Variants in THOC2 observed in about 807,000 individuals in gnomAD.
THOC2 encodes THO complex 2.
Under a neutral mutation model 128.4 loss-of-function variants are expected in THOC2, and 10 were observed. That is an observed-to-expected ratio of 0.08 (90% CI 0.05 to 0.13). The LOEUF is 0.13. Ranked by LOEUF, THOC2 falls within the 10% of genes least tolerant of loss-of-function variation. The pLI is 1.00. For missense variants in THOC2, 535 were observed against 1,155.7 expected, an observed-to-expected ratio of 0.46 and a Z score of 7.79; for synonymous variants, 393 against 396.9, an observed-to-expected ratio of 0.99 and a Z score of 0.12.
In THOC2 at chrX:123,622,773, T is replaced by G. The variant is rs2047134304; in HGVS notation, c.3770A>C (p.Asn1257Thr). The G allele has an allele frequency of 8.4e-6, 10 of 1,183,987 alleles. No individual in the cohort carries two copies. Among genetic ancestry groups the G allele is most frequent in the Non-Finnish European group, 1.0e-5 (9 of 873,827 alleles). The change falls in exon 30 of 39, where the codon AAT becomes ACT. Residue 1257 changes from asparagine to threonine, a missense_variant. Physicochemically the swap from Asn to Thr is moderately conservative, Grantham distance 65. Transcript: ENST00000245838. ...GTGTTCCTACCTGTTAGAGCCACTATTTCCATTGCTTGAATTCCCTTTAGG... is the reference window on the plus strand; with the variant it reads ...GTGTTCCTACCTGTTAGAGCCACTAGTTCCATTGCTTGAATTCCCTTTAGG... ...TTPKGNSSNG[N>T]SGSNSNKAVK...
intron 1 of THOC2, among the ~76,000 whole-genome samples, chrX:123,721,147 G>GT (rs199592901): frequency 0.072 from 7,836 of 109,576 alleles, 294 homozygotes; most frequent in Non-Finnish European, 0.11. Flanking sequence ...TTGTTTTGGG[G>GT]TTTTTTTGTT....
chrX:123,624,503 A>G (rs1367889625), intron 26 of THOC2, 38 bp downstream of exon 26: 1 of 1,176,532 alleles, frequency 8.5e-7, no homozygotes, highest in Admixed American at 2.3e-5. Flanking sequence ...TGGTCATTAT[A>G]TACATGGGTA....
chrX:123,726,038 G>A (rs1024654503), intron 1 of THOC2, among the ~76,000 whole-genome samples: 3 of 110,765 alleles, frequency 2.7e-5, no homozygotes, highest in Non-Finnish European at 3.8e-5. Flanking sequence ...GTGAAACCCC[G>A]TCTCTACTAA....
chrX:123,609,520 C>T (rs2046617678), intron 38 of THOC2, among the ~76,000 whole-genome samples: 1 of 111,640 alleles, frequency 9.0e-6, no homozygotes, highest in Non-Finnish European at 1.9e-5. Context: ...AGAACTGGCT[C>T]TCAGACATTT....
intron 12 of THOC2, among the ~76,000 whole-genome samples, chrX:123,648,220 C>T (rs1012022712): frequency 2.7e-5 from 3 of 111,771 alleles, no homozygotes; most frequent in Non-Finnish European, 5.7e-5. Context: ...GAACTCTCTC[C>T]CCTAGCCAAG....
At chrX:123,693,027 G>C (rs1031577040) in intron 7 of THOC2, among the ~76,000 whole-genome samples, 1 of 111,883 alleles carries the variant, frequency 8.9e-6, no homozygotes, top group Non-Finnish European at 1.9e-5. Context: ...ATAGGATGCT[G>C]GTCAGTGAGG....
At chrX:123,694,535 G>A (rs960897003) in intron 7 of THOC2, among the ~76,000 whole-genome samples, 1 of 109,299 alleles carries the variant, frequency 9.1e-6, no homozygotes, top group African/African-American at 3.3e-5. Flanking sequence ...TTGAACCCGG[G>A]AGGCAGAGGT....
At chrX:123,642,149 C>T (rs1423506336) in intron 15 of THOC2, among the ~76,000 whole-genome samples, 4 of 112,175 alleles carry the variant, frequency 3.6e-5, no homozygotes, top group Admixed American at 2.8e-4. Context: ...GATGAAGCCG[C>T]GTGCAGTGGC....
Position 123,644,683 on chromosome X carries a change from A to G in THOC2, c.1560-7T>C, listed in dbSNP as rs2048056319. 1 of 1,184,345 alleles carries G rather than the reference A, an allele frequency of 8.4e-7. No individual in the cohort carries two copies. The highest frequency in any genetic ancestry group is 2.3e-5 in the Admixed American group (1 of 43,440). The stretch of plus-strand genomic sequence containing the variant: ...CTGGCCATACAGACGATATCTTAAA[A>G]AACGATGAGATGAAGAATTAGGAAA... On this transcript the variant is annotated splice_polypyrimidine_tract_variant and splice_region_variant and intron_variant, in intron 14 of 38. Transcript: ENST00000245838.
chrX:123,717,693 CAA>C (rs753080854), intron 1 of THOC2, among the ~76,000 whole-genome samples: 1 of 82,547 alleles, frequency 1.2e-5, no homozygotes, highest in Non-Finnish European at 2.3e-5. Flanking sequence ...TATATGGAAC[CAA>C]AAAAAAAAAA....
At chrX:123,641,626 C>T (rs933992702) in intron 15 of THOC2, among the ~76,000 whole-genome samples, 1 of 111,491 alleles carries the variant, frequency 9.0e-6, no homozygotes, top group Non-Finnish European at 1.9e-5. Flanking sequence ...ATTTCAGGTG[C>T]CTCCCTCTAC....
intron 14 of THOC2, 35 bp from the exon 15 acceptor site, chrX:123,644,711 T>G (rs1028737531): frequency 6.8e-6 from 8 of 1,168,173 alleles, no homozygotes; most frequent in Non-Finnish European, 9.3e-6. Flanking sequence ...TTAGGAAAAG[T>G]TAAACACTTA....
intron 6 of THOC2, 142 bp from the exon 7 acceptor site, chrX:123,696,296 G>C: frequency 2.4e-6 from 1 of 421,264 alleles, no homozygotes; most frequent in Non-Finnish European, 4.0e-6. Flanking sequence ...ACCTCTTTGT[G>C]TACCTTTTAG....
intron 15 of THOC2, among the ~76,000 whole-genome samples, chrX:123,642,221 C>T (rs756721692): frequency 7.6e-4 from 85 of 111,138 alleles, no homozygotes; most frequent in Non-Finnish European, 1.3e-3. Flanking sequence ...GTCAGGAGTT[C>T]GAGACCAGCC....
At chrX:123,635,589 A>T (rs982044522) in intron 19 of THOC2, among the ~76,000 whole-genome samples, 1 of 111,993 alleles carries the variant, frequency 8.9e-6, no homozygotes, top group African/African-American at 3.2e-5. Context: ...TTCAGTATTT[A>T]TAAAGAAAAA....
At chrX:123,688,407 C>A (rs2147876683) in intron 7 of THOC2, among the ~76,000 whole-genome samples, 1 of 111,802 alleles carries the variant, frequency 8.9e-6, no homozygotes, top group East Asian at 2.8e-4. Context: ...TAGACAAATT[C>A]TAGAAAAAGC....
chrX:123,609,550 C>T (rs2147528227), intron 38 of THOC2, among the ~76,000 whole-genome samples: 1 of 111,922 alleles, frequency 8.9e-6, no homozygotes, highest in Admixed American at 9.4e-5. Context: ...AATTTAAACA[C>T]TGGTAAACAG....
chrX:123,712,928 A>G lies in THOC2; in HGVS notation c.72-20T>C. 2 of 1,062,197 alleles carry G rather than the reference A, an allele frequency of 1.9e-6. No individual in the cohort carries two copies. Among genetic ancestry groups the G allele is most frequent in the Non-Finnish European group, 2.6e-6 (2 of 782,826 alleles). 87.5% of individuals were successfully genotyped at this position (1,062,197 alleles called of 1,213,427 possible). A position where few individuals can be genotyped will look rare whatever the true frequency, so the allele number is the denominator to read the frequency against. ...TGCAAACTAGAATAAAATAGAAAACATGTATTTCAATTTCCACCCTAACAT... is the reference window on the plus strand; with the variant it reads ...TGCAAACTAGAATAAAATAGAAAACGTGTATTTCAATTTCCACCCTAACAT... On this transcript the variant is annotated intron_variant, in intron 1 of 38. Coordinates refer to ENST00000245838, the MANE Select transcript of THOC2 (RefSeq NM_001081550.2).
chrX:123,722,736 A>G lies in THOC2; in HGVS notation c.72-9828T>C, dbSNP rs1192678133. 2.7e-5 allele frequency among the ~76,000 whole-genome samples: 3 copies of G among 111,641 alleles called. No homozygotes were observed. In the East Asian group the frequency reaches 8.4e-4, roughly 31 times the overall value. On this transcript the variant is annotated intron_variant, in intron 1 of 38. Transcript: ENST00000245838. The stretch of plus-strand genomic sequence containing the variant: ...TGTATCCCAGAACTTAAAATTAAAA[A>G]AAAATGACAGTTGTAACACATGCAG...
Sources: gnomAD v4.1 joint callset for allele counts (sites outside exome capture counted in the v4.1 genomes callset) on GRCh38, gnomAD v4.1.1 for gene constraint, MANE v1.5 for transcripts, NCBI Gene and HGNC (gene_info 2026-07-23, HGNC 2026-07-21) for gene names.